The following ADCY9 variants were observed in gnomAD, a reference collection of about 807,000 sequenced individuals.
ADCY9 encodes adenylate cyclase 9.
Under a neutral mutation model 101.5 loss-of-function variants are expected in ADCY9, and 50 were observed. The observed-to-expected ratio is 0.49, with a 90% CI of 0.39 to 0.62. The LOEUF is 0.62. Among genes scored for constraint, ADCY9 ranks in the 20% least tolerant of loss-of-function variants. ADCY9 has a pLI of 0.00. For missense variants in ADCY9, 1,662 were observed against 1,800.4 expected (o/e 0.92, Z 1.39); for synonymous variants, 905 against 769.3 (o/e 1.18, Z -2.92).
intron 2 of ADCY9, among the ~76,000 whole-genome samples, chr16:4,058,240 G>A (rs939342279): frequency 6.6e-5 from 10 of 151,096 alleles, no homozygotes; most frequent in African/African-American, 2.4e-4. Flanking sequence ...AAGGTGGCAA[G>A]ATCACTTGAG....
intron 3 of ADCY9, among the ~76,000 whole-genome samples, chr16:4,004,251 TAAAAAAAAAA>T (rs71133681): frequency 9.3e-6 from 1 of 107,722 alleles, no homozygotes; most frequent in East Asian, 2.9e-4. Flanking sequence ...CCCATCTCTT[TAAAAAAAAAA>T]AAAAAAAAAA....
intron 2 of ADCY9, among the ~76,000 whole-genome samples, chr16:4,076,992 G>A (rs866827131): frequency 2.0e-5 from 3 of 151,266 alleles, no homozygotes; most frequent in East Asian, 1.9e-4. Context: ...AAGGAGAATC[G>A]CTTGAACCTC....
chr16:4,043,225 T>C (rs111987203), intron 2 of ADCY9, among the ~76,000 whole-genome samples: 5,000 of 152,054 alleles, frequency 0.033, 288 homozygotes, highest in African/African-American at 0.11. Context: ...AGCAAGACTC[T>C]GTCTCAAAAA....
At chr16:4,102,068 C>T (rs375873638) in intron 2 of ADCY9, among the ~76,000 whole-genome samples, 9 of 152,112 alleles carry the variant, frequency 5.9e-5, no homozygotes, top group South Asian at 4.1e-4. Flanking sequence ...ACAAGATGTG[C>T]GCCAGATTGA....
At chr16:4,096,266 A>G (rs1314719697) in intron 2 of ADCY9, among the ~76,000 whole-genome samples, 1 of 152,202 alleles carries the variant, frequency 6.6e-6, no homozygotes, top group East Asian at 1.9e-4. Flanking sequence ...ATTAAGAATG[A>G]GCACTATGTC....
chr16:4,103,455 G>A (rs962505546), intron 2 of ADCY9, among the ~76,000 whole-genome samples: 1 of 152,216 alleles, frequency 6.6e-6, no homozygotes. Flanking sequence ...CCGATGCAGG[G>A]AAACCAAACT....
At chr16:4,050,151 C>G (rs960066953) in intron 2 of ADCY9, among the ~76,000 whole-genome samples, 1 of 152,026 alleles carries the variant, frequency 6.6e-6, no homozygotes, top group Non-Finnish European at 1.5e-5. Context: ...TGTCAGAAGA[C>G]TGGTGACATA....
intron 10 of ADCY9, among the ~76,000 whole-genome samples, chr16:3,971,551 T>C (rs974910998): frequency 6.6e-6 from 1 of 152,198 alleles, no homozygotes; most frequent in African/African-American, 2.4e-5. Flanking sequence ...ACATCTCAAG[T>C]ACTAAGCAAA....
At chr16:4,004,998 A>G (rs995863262) in intron 3 of ADCY9, among the ~76,000 whole-genome samples, 10 of 152,144 alleles carry the variant, frequency 6.6e-5, no homozygotes, top group African/African-American at 2.4e-4. Flanking sequence ...CTTTTACTAC[A>G]TGAGCATTCC....
chr16:3,979,221 C>T lies in ADCY9; in HGVS notation c.2574G>A (p.Trp858Ter). 6.2e-7 allele frequency: 1 copy of T among 1,614,088 alleles called. No homozygotes were observed. Among genetic ancestry groups the T allele is most frequent in the Non-Finnish European group, 8.5e-7 (1 of 1,180,022 alleles). Reference sequence around the variant, plus strand: ...AGTGACGTGGTAGCCAGCCGGCGATCCACTCCAGCAGGCGCTTGGTGCAGG... The same window carrying T: ...AGTGACGTGGTAGCCAGCCGGCGATTCACTCCAGCAGGCGCTTGGTGCAGG... The part of the protein sequence containing the change: ...VMACTKRLLE[W>*]IAGWLPRHCI... The change falls in exon 8 of 11, where the codon TGG (tryptophan) becomes TGA (stop). Residue 858 changes from tryptophan to a stop codon, truncating the protein, a stop_gained. Transcript: ENST00000294016. LOFTEE classifies it high-confidence loss of function.
intron 9 of ADCY9, 150 bp from the exon 10 acceptor site, chr16:3,974,860 A>T: frequency 1.6e-6 from 1 of 631,276 alleles, no homozygotes; most frequent in Non-Finnish European, 2.9e-6. Flanking sequence ...CTTTCTTCAC[A>T]TCTGTGTCTC....
intron 2 of ADCY9, among the ~76,000 whole-genome samples, chr16:4,007,987 G>A (rs781426652): frequency 2.6e-5 from 4 of 152,090 alleles, no homozygotes; most frequent in Non-Finnish European, 2.9e-5. Context: ...CGTCATGGCA[G>A]CTTCCGGTAC....
intron 2 of ADCY9, among the ~76,000 whole-genome samples, chr16:4,056,638 G>A (rs2056739647): frequency 6.6e-6 from 1 of 152,108 alleles, no homozygotes; most frequent in East Asian, 1.9e-4. Flanking sequence ...CCTCAAAACT[G>A]GTCTCCTGGG....
At chr16:4,089,853 G>C (rs1449819098) in intron 2 of ADCY9, among the ~76,000 whole-genome samples, 1 of 152,056 alleles carries the variant, frequency 6.6e-6, no homozygotes, top group Admixed American at 6.6e-5. Context: ...CAGGGGACCA[G>C]GGCACTTCCC....
At chr16:3,991,403 G>C (rs937866446) in intron 5 of ADCY9, among the ~76,000 whole-genome samples, 2 of 152,070 alleles carry the variant, frequency 1.3e-5, no homozygotes, top group African/African-American at 2.4e-5. Flanking sequence ...CAGAGGGAGA[G>C]CCTGAATCTA....
intron 2 of ADCY9, among the ~76,000 whole-genome samples, chr16:4,058,721 G>C (rs185315110): frequency 1.0e-3 from 155 of 152,266 alleles, no homozygotes; most frequent in African/African-American, 3.5e-3. Flanking sequence ...CAGCAGGCAA[G>C]ATGCTGCAAA....
chr16:3,981,722 T>C (rs2141688368), intron 7 of ADCY9: 1 of 151,878 alleles, frequency 6.6e-6, no homozygotes. Context: ...GCCTCCCGAG[T>C]AGCTGGGGTT....
Position 3,964,916 on chromosome 16 carries a change from G to A in ADCY9, c.*859C>T, listed in dbSNP as rs1000020630. On this transcript the variant is annotated 3_prime_UTR_variant, in exon 11 of 11. Coordinates refer to ENST00000294016, the MANE Select transcript of ADCY9 (RefSeq NM_001116.4). ...TAAATAAATAAATGCAACCTCGGATGTTTATTTGGTATTTCCCTCTCCGAT... is the reference window on the plus strand; with the variant it reads ...TAAATAAATAAATGCAACCTCGGATATTTATTTGGTATTTCCCTCTCCGAT... The A allele has an allele frequency of 6.6e-6, 1 of 152,218 alleles. No individual in the cohort carries two copies. The highest frequency in any genetic ancestry group is 2.4e-5 in the African/African-American group (1 of 41,458). 9.4% of individuals were successfully genotyped at this position (152,218 alleles called of 1,614,324 possible).
At chr16:4,062,847 A>C (rs1285694807) in intron 2 of ADCY9, among the ~76,000 whole-genome samples, 1 of 152,230 alleles carries the variant, frequency 6.6e-6, no homozygotes, top group Non-Finnish European at 1.5e-5. Flanking sequence ...AAATACAATA[A>C]AGCAAACACT....
Sources: gnomAD v4.1 joint callset for allele counts (sites outside exome capture counted in the v4.1 genomes callset) on GRCh38, gnomAD v4.1.1 for gene constraint, MANE v1.5 for transcripts, NCBI Gene and HGNC (gene_info 2026-07-23, HGNC 2026-07-21) for gene names.